The following NOTCH1 variants were observed in gnomAD, a reference collection of about 807,000 sequenced individuals.
NOTCH1 encodes neurogenic locus notch homolog protein 1.
In NOTCH1, 37 loss-of-function variants were observed where a neutral mutation model predicts 254.8. The ratio of observed to expected loss-of-function variants is 0.15; its 90% confidence interval spans 0.11 to 0.19. The LOEUF (loss-of-function observed/expected upper bound fraction) is 0.19. Among genes scored for constraint, NOTCH1 ranks in the 10% least tolerant of loss-of-function variants. The pLI is 1.00. For synonymous variants in NOTCH1, 1,731 were observed against 1,618.1 expected, an observed-to-expected ratio of 1.07 and a Z score of -1.68; for missense variants, 2,972 against 3,708.6, an observed-to-expected ratio of 0.80 and a Z score of 5.16.
chr9:136,528,299 C>T (rs1176342804), intron 2 of NOTCH1, among the ~76,000 whole-genome samples: 1 of 136,930 alleles, frequency 7.3e-6, no homozygotes, highest in African/African-American at 2.8e-5. Flanking sequence ...GCTCTGCACC[C>T]GCCACAGGAA....
At chr9:136,517,243 C>CG (rs1281471528) in intron 9 of NOTCH1, 29 bp downstream of exon 9, 6 of 1,469,116 alleles carry the variant, frequency 4.1e-6, no homozygotes, top group Non-Finnish European at 5.6e-6. Context: ...GCAGACGACC[C>CG]GGGGGCAGGG....
intron 9 of NOTCH1, among the ~76,000 whole-genome samples, chr9:136,516,602 G>A (rs1017058817): frequency 1.1e-4 from 16 of 152,248 alleles, no homozygotes; most frequent in African/African-American, 3.6e-4. Context: ...CTGGCGTGCC[G>A]TTGGGCAGGG....
At position 136,513,487 on chromosome 9, in the gene NOTCH1, T is replaced by C. The variant is rs766844594; in HGVS notation, c.2258A>G (p.Asn753Ser). 2 of 1,613,230 alleles carry C rather than the reference T, an allele frequency of 1.2e-6. No individual in the cohort carries two copies. Among genetic ancestry groups the C allele is most frequent in the East Asian group, 2.2e-5 (1 of 44,882 alleles). Residue 753 changes from asparagine (N) to serine (S), a missense_variant, in exon 14 of 34, where the codon AAC (asparagine) becomes AGC (serine). Asn to Ser is a conservative substitution (Grantham distance 46). This residue lies in a region of NOTCH1 where 1,343 missense variants were observed against 1,557.0 expected (regional missense o/e 0.86). Coordinates refer to ENST00000651671, the MANE Select transcript of NOTCH1 (RefSeq NM_017617.5). The surrounding 1 kb of genome is among the most constrained non-coding windows in gnomAD (Gnocchi z 4.7). ...AGGGTTGGATTCACACTCATTGTTG[T>C]TGATGTCACAGTTGGTCCCACTCCA... ...PGWSGTNCDI[N>S]NNECESNPCV...
rs772817430 is a variant in NOTCH1 at position 136,506,987 on chromosome 9, T to C, written c.3644-14A>G. 22 of 1,577,778 alleles carry C rather than the reference T, an allele frequency of 1.4e-5. No individual in the cohort carries two copies. The highest frequency in any genetic ancestry group is 1.6e-5 in the Non-Finnish European group (19 of 1,163,846). On this transcript the variant is annotated splice_polypyrimidine_tract_variant and intron_variant, in intron 22 of 33. Transcript: ENST00000651671. This position sits in a 1 kb window ranked among gnomAD's most constrained non-coding sequence, Gnocchi z 4.5. ...CACAGTGCACACCTGCGGGGCCAGG[T>C]TTCGTCAGTGGCCCAAGCCCGCCAC...
chr9:136,504,355 A>G (rs116478678), intron 26 of NOTCH1, among the ~76,000 whole-genome samples: 3 of 152,200 alleles, frequency 2.0e-5, no homozygotes, highest in Admixed American at 1.3e-4. Flanking sequence ...AGTTTTAATC[A>G]GTGTAGTATC....
In NOTCH1 at chr9:136,514,355, G is replaced by A. The variant is rs73668315; in HGVS notation, c.2207+155C>T. On this transcript the variant is annotated intron_variant, in intron 13 of 33. Coordinates refer to ENST00000651671, the MANE Select transcript of NOTCH1 (RefSeq NM_017617.5). The stretch of plus-strand genomic sequence containing the variant: ...ACTGTAGTCTGACTGAGGACCCAGA[G>A]GCATGTGCGTCCCCGAGGGGAGCTC... 7.1e-3 allele frequency among the ~76,000 whole-genome samples: 1,076 copies of A among 152,318 alleles called. 11 individuals are homozygous for A. Among genetic ancestry groups the A allele is most frequent in the African/African-American group, 0.025 (1,029 of 41,564 alleles).
chr9:136,497,907 C>A (rs369082364), intron 33 of NOTCH1, among the ~76,000 whole-genome samples: 44 of 152,316 alleles, frequency 2.9e-4, no homozygotes, highest in African/African-American at 9.9e-4. Flanking sequence ...AAGGAAATTC[C>A]TGGAGCGGTT....
At chr9:136,501,395 C>T (rs560835654) in intron 30 of NOTCH1, among the ~76,000 whole-genome samples, 209 of 150,634 alleles carry the variant, frequency 1.4e-3, no homozygotes, top group African/African-American at 4.8e-3. Flanking sequence ...GATCGTGCCA[C>T]TGCACTCCAG....
At position 136,507,496 on chromosome 9, in the gene NOTCH1, C is replaced by G. The variant is rs1208744282; in HGVS notation, c.3511-59G>C. ...TCAGCCGGCGCCAGGATGCAGTGCT[C>G]CCACACCCCACTGTGAGGGCTGACA... On this transcript the variant is annotated intron_variant, in intron 21 of 33. Coordinates refer to ENST00000651671, the MANE Select transcript of NOTCH1 (RefSeq NM_017617.5). The G allele has an allele frequency of 1.9e-6, 3 of 1,556,634 alleles. No individual in the cohort carries two copies. In the East Asian group the frequency reaches 7.1e-5, roughly 37 times the overall value.
chr9:136,502,320 C>T lies in NOTCH1; in HGVS notation c.5336G>A (p.Ser1779Asn), dbSNP rs2133331003. Residue 1779 changes from serine to asparagine, a missense_variant, in exon 28 of 34, where the codon AGC (serine) becomes AAC (asparagine). This residue lies in a region of NOTCH1 where 421 missense variants were observed against 604.4 expected (regional missense o/e 0.70). Coordinates refer to ENST00000651671, the MANE Select transcript of NOTCH1 (RefSeq NM_017617.5). ...GAGGGGCTCCCGCCGCTTCTTCTTG[C>T]TGGCCTCAGACACTTTGAAGCCCTC... ...FPEGFKVSEA[S>N]KKKRREPLGE... is the part of the protein sequence containing the mutation. 6.2e-7 allele frequency: 1 copy of T among 1,612,494 alleles called. No individual in the cohort carries two copies. Among genetic ancestry groups the T allele is most frequent in the Non-Finnish European group, 8.5e-7 (1 of 1,179,810 alleles).
At chr9:136,528,672 G>A (rs972643177) in intron 2 of NOTCH1, among the ~76,000 whole-genome samples, 1 of 151,666 alleles carries the variant, frequency 6.6e-6, no homozygotes, top group Non-Finnish European at 1.5e-5. Context: ...GGAGCTGCCC[G>A]GCTGAAATCA....
rs111756273 is a variant in NOTCH1, at chr9:136,511,234, G to A, written c.2505C>T (p.Pro835=). The A allele has an allele frequency of 6.2e-7, 1 of 1,612,478 alleles. No homozygotes were observed. The highest frequency in any genetic ancestry group is 8.5e-7 in the Non-Finnish European group (1 of 1,179,922). Residue 835 remains proline, a synonymous_variant, in exon 16 of 34, where the codon CCC becomes CCT. Coordinates refer to ENST00000651671, the MANE Select transcript of NOTCH1 (RefSeq NM_017617.5). ...TCEVVLAPCA[P]SPCRNGGECR... is the part of the protein sequence containing the mutation. Reference sequence around the variant, plus strand: ...ACTCCCCGCCGTTTCTGCAGGGGCTGGGGGCACACGGGGCCAGCACCACCT... The same window carrying A: ...ACTCCCCGCCGTTTCTGCAGGGGCTAGGGGCACACGGGGCCAGCACCACCT...
intron 2 of NOTCH1, among the ~76,000 whole-genome samples, chr9:136,525,623 C>T (rs933652724): frequency 6.6e-6 from 1 of 152,212 alleles, no homozygotes; most frequent in African/African-American, 2.4e-5. Flanking sequence ...CCAGGACCGG[C>T]CCTGAAGCTG....
intron 12 of NOTCH1, 90 bp from the exon 13 acceptor site, chr9:136,514,792 C>G: frequency 7.7e-7 from 1 of 1,300,452 alleles, no homozygotes; most frequent in Non-Finnish European, 1.1e-6. Context: ...TGAGCCGGGG[C>G]GATCACCCTT....
At chr9:136,504,608 G>A (rs1379794078) in intron 26 of NOTCH1, 65 bp downstream of exon 26, 19 of 1,424,340 alleles carry the variant, frequency 1.3e-5, no homozygotes, top group Non-Finnish European at 1.8e-5. Flanking sequence ...TGAGGGGCAG[G>A]GAGGCCGTCG....
In NOTCH1 at chr9:136,540,137, G is replaced by A. The variant is rs1275008520; in HGVS notation, c.140+3887C>T. On this transcript the variant is annotated intron_variant, in intron 2 of 33. Coordinates refer to ENST00000651671, the MANE Select transcript of NOTCH1 (RefSeq NM_017617.5). This position sits in a 1 kb window ranked among gnomAD's most constrained non-coding sequence, Gnocchi z 4.4. The stretch of plus-strand genomic sequence containing the variant: ...CCAGACAGCTTTACGGGGCTGCCGG[G>A]AGCTATGCCAGGCCACCACCGGGCC... Among the ~76,000 whole-genome samples the A allele has an allele frequency of 6.6e-6, 1 of 152,120 alleles. No homozygotes were observed.
At chr9:136,528,520 C>T (rs1380067539) in intron 2 of NOTCH1, among the ~76,000 whole-genome samples, 5 of 129,978 alleles carry the variant, frequency 3.8e-5, no homozygotes, top group African/African-American at 1.2e-4. Context: ...GGGGGATGGG[C>T]AGGGACAGTG....
intron 2 of NOTCH1, among the ~76,000 whole-genome samples, chr9:136,532,736 G>A (rs1213680664): frequency 6.6e-6 from 1 of 152,246 alleles, no homozygotes. Flanking sequence ...CATCTCCTAA[G>A]GAGGAGGGGA....
chr9:136,515,359 G>T lies in NOTCH1; in HGVS notation c.1945C>A (p.Pro649Thr), dbSNP rs780710009. Reference protein sequence around the residue: ...EINLDDCASSPCDSGTCLDKI... With the variant: ...EINLDDCASSTCDSGTCLDKI... The stretch of plus-strand genomic sequence containing the variant: ...TCCAGACAGGTGCCCGAGTCGCAGG[G>T]GCTGCTGGCACAGTCATCCAGGTTG... The change falls in exon 12 of 34, where the codon CCC becomes ACC. Residue 649 changes from proline (P) to threonine (T), a missense_variant. Pro to Thr is a conservative substitution (Grantham distance 38). Coordinates refer to ENST00000651671, the MANE Select transcript of NOTCH1 (RefSeq NM_017617.5). 8.1e-6 allele frequency: 13 copies of T among 1,612,942 alleles called. No homozygotes were observed. The Admixed American group carries it at 1.0e-4, about 12-fold the overall frequency.
Sources: gnomAD v4.1 joint callset for allele counts (sites outside exome capture counted in the v4.1 genomes callset) on GRCh38, gnomAD v4.1.1 for gene constraint, gnomAD v4.1.1 regional missense constraint, Gnocchi (gnomAD v3.1) non-coding constraint, MANE v1.5 for transcripts, NCBI Gene and HGNC (gene_info 2026-07-23, HGNC 2026-07-21) for gene names.